Variants in OSMR observed in about 807,000 individuals in gnomAD.
OSMR encodes the protein oncostatin-M-specific receptor subunit beta.
In OSMR, 81 loss-of-function variants were observed where a neutral mutation model predicts 99.9. The ratio of observed to expected loss-of-function variants is 0.81; its 90% CI spans 0.68 to 0.97. The LOEUF (loss-of-function observed/expected upper bound fraction) is 0.97, where lower values mean the gene tolerates loss of function less well. Among genes scored for constraint, OSMR ranks in the 50% least tolerant of loss-of-function variants. The pLI is 0.00. For synonymous variants in OSMR, 406 were observed against 410.4 expected, an observed-to-expected ratio of 0.99 and a Z score of 0.13; for missense variants, 1,099 against 1,153.4, an observed-to-expected ratio of 0.95 and a Z score of 0.68.
intron 1 of OSMR, chr5:38,942,912 T>A (rs1474733918): frequency 6.2e-7 from 1 of 1,608,092 alleles, no homozygotes; most frequent in Non-Finnish European, 8.5e-7. Context: ...TGACAGCAAA[T>A]GGGAAACCTC....
At chr5:38,918,196 G>C (rs145767930) in intron 10 of OSMR, among the ~76,000 whole-genome samples, 229 of 151,698 alleles carry the variant, frequency 1.5e-3, no homozygotes, top group Non-Finnish European at 2.8e-3. Context: ...GTGCACAGAC[G>C]TGTGGGCATG....
chr5:38,862,920 G>C (rs554658667), intron 1 of OSMR, among the ~76,000 whole-genome samples: 51 of 152,124 alleles, frequency 3.4e-4, no homozygotes, highest in African/African-American at 1.2e-3. Context: ...CCAGCACCTC[G>C]GGAGGCCGAG....
chr5:38,937,452 T>A (rs1747104694), downstream of OSMR, among the ~76,000 whole-genome samples: 1 of 152,230 alleles, frequency 6.6e-6, no homozygotes, highest in South Asian at 2.1e-4. The surrounding 1 kb of genome is among the most constrained non-coding windows in gnomAD (Gnocchi z 4.0). Flanking sequence ...TTTTACCATA[T>A]TTTATTAACA....
chr5:38,884,246 G>A, intron 5 of OSMR, 135 bp downstream of exon 5: 2 of 800,594 alleles, frequency 2.5e-6, no homozygotes, highest in Non-Finnish European at 4.4e-6. Context: ...TTCTAGGAGA[G>A]GCTCTGAAGT....
At chr5:38,855,432 G>A (rs1051830999) in intron 1 of OSMR, among the ~76,000 whole-genome samples, 1 of 152,042 alleles carries the variant, frequency 6.6e-6, no homozygotes, top group African/African-American at 2.4e-5. Flanking sequence ...CTTAACATGT[G>A]GCAAATTGAA....
Position 38,932,395 on chromosome 5 carries a change from C to T in OSMR, c.2295-68C>T, listed in dbSNP as rs563459772. ...GGATTAGAAGCCAGGAATCTGACTC[C>T]AGAGTTCTTGCTCTTAACTCGTCCA... On this transcript the variant is annotated intron_variant, in intron 16 of 17. Transcript: ENST00000274276. The T allele has an allele frequency of 5.3e-5, 60 of 1,123,386 alleles. No individual in the cohort carries two copies. The African/African-American group carries it at 6.4e-4, about 12-fold the overall frequency. 69.6% of individuals were successfully genotyped at this position (1,123,386 alleles called of 1,614,324 possible).
chr5:38,888,240 T>C (rs1271489438), intron 7 of OSMR, among the ~76,000 whole-genome samples: 1 of 152,174 alleles, frequency 6.6e-6, no homozygotes, highest in Admixed American at 6.5e-5. Flanking sequence ...CCTCCCGCCC[T>C]AGCCTTTTAA....
rs745361562 is a variant in OSMR at position 38,923,213 on chromosome 5, C to T, written c.1829C>T (p.Ala610Val). The stretch of plus-strand genomic sequence containing the variant: ...TATGGGTTATCTACAAAAAGGATTG[C>T]TTGTTTATTAGAGAAAAAAACAGGA... ...RIYGLSTKRI[A>V]CLLEKKTGYS... Residue 610 changes from alanine to valine, a missense_variant, in exon 13 of 18, where the codon GCT (alanine) becomes GTT (valine). By Grantham distance (64) the Ala-to-Val change is moderately conservative. Transcript: ENST00000274276. The T allele has an allele frequency of 3.1e-6, 5 of 1,612,092 alleles. No individual in the cohort carries two copies. The highest frequency in any genetic ancestry group is 4.2e-6 in the Non-Finnish European group (5 of 1,178,350).
rs774881301 is a variant in OSMR, at chr5:38,942,367, T to C, written c.75-1834T>C. 50 of 1,591,554 alleles carry C rather than the reference T, an allele frequency of 3.1e-5. No individual in the cohort carries two copies. The Admixed American group carries it at 5.3e-4, about 17-fold the overall frequency. On this transcript the variant is annotated intron_variant and NMD_transcript_variant, in intron 1 of 2. Transcript: ENST00000508882. ...GTGGTGTTGCCAACACAGCCTCTGCTTCTTCATGCATCTAGGGAAAAAATG... is the reference window on the plus strand; with the variant it reads ...GTGGTGTTGCCAACACAGCCTCTGCCTCTTCATGCATCTAGGGAAAAAATG...
chr5:38,932,088 G>A, intron 16 of OSMR, 124 bp downstream of exon 16: 1 of 813,052 alleles, frequency 1.2e-6, no homozygotes, highest in Admixed American at 2.1e-5. Context: ...AAGAACAAAG[G>A]AGGCTGGGGT....
At chr5:38,851,349 G>C (rs1740340253) in intron 1 of OSMR, among the ~76,000 whole-genome samples, 1 of 152,030 alleles carries the variant, frequency 6.6e-6, no homozygotes, top group Non-Finnish European at 1.5e-5. Flanking sequence ...TTTGGGGCTG[G>C]TTTGGATCCC....
At chr5:38,943,465 T>TA (rs1747821844) in intron 1 of OSMR, among the ~76,000 whole-genome samples, 1 of 152,072 alleles carries the variant, frequency 6.6e-6, no homozygotes, top group South Asian at 2.1e-4. Flanking sequence ...AGAGGTCTGC[T>TA]GTGGGACCCT....
chr5:38,922,015 C>A (rs1048239446), intron 12 of OSMR, among the ~76,000 whole-genome samples: 1 of 152,180 alleles, frequency 6.6e-6, no homozygotes, highest in Admixed American at 6.5e-5. Flanking sequence ...GAGGTGGGAA[C>A]TGATTTTCAT....
chr5:38,880,815 G>A (rs184863450), intron 3 of OSMR, among the ~76,000 whole-genome samples: 4,362 of 152,314 alleles, frequency 0.029, 224 homozygotes, highest in African/African-American at 0.1. Flanking sequence ...GTGTAAACGG[G>A]CCTTTGAAGC....
In OSMR at chr5:38,918,915, A is replaced by C. The variant is rs981776179; in HGVS notation, c.1438A>C (p.Ser480Arg). The C allele has an allele frequency of 1.7e-5, 27 of 1,614,068 alleles. No individual in the cohort carries two copies. The highest frequency in any genetic ancestry group is 2.2e-5 in the Non-Finnish European group (26 of 1,179,914). Reference sequence around the variant, plus strand: ...TGTAGAAAACCTAGACAAACCATCCAGTTCAGAGCTCCATTCCATTCCAGC... The same window carrying C: ...TGTAGAAAACCTAGACAAACCATCCCGTTCAGAGCTCCATTCCATTCCAGC... ...VVVENLDKPS[S>R]SELHSIPAPA... The change falls in exon 11 of 18, where the codon AGT (serine) becomes CGT (arginine). Residue 480 changes from serine to arginine, a missense_variant. Coordinates refer to ENST00000274276, the MANE Select transcript of OSMR (RefSeq NM_003999.3).
chr5:38,864,435 T>TGG (rs748792121), intron 1 of OSMR, among the ~76,000 whole-genome samples: 19 of 152,202 alleles, frequency 1.2e-4, no homozygotes, highest in Non-Finnish European at 2.4e-4. Flanking sequence ...CTTGTAGGGC[T>TGG]GGTGTAGAGG....
intron 14 of OSMR, 92 bp from the exon 15 acceptor site, chr5:38,925,112 G>T (rs1746413307): frequency 1.9e-6 from 3 of 1,572,266 alleles, no homozygotes; most frequent in African/African-American, 2.7e-5. Context: ...GTTAACAAGA[G>T]CATTAGTGTC....
At chr5:38,861,724 AG>A (rs1472857374) in intron 1 of OSMR, among the ~76,000 whole-genome samples, 2 of 145,564 alleles carry the variant, frequency 1.4e-5, no homozygotes, top group East Asian at 4.4e-4. Flanking sequence ...CCTCGCGGAC[AG>A]GGGGGCTGGC....
intron 1 of OSMR, among the ~76,000 whole-genome samples, chr5:38,861,928 C>A (rs1489170931): frequency 8.2e-6 from 1 of 121,312 alleles, no homozygotes; most frequent in African/African-American, 3.1e-5. Context: ...GGGGGCTGAC[C>A]CCCCCACCTC....
Sources: gnomAD v4.1 joint callset for allele counts (sites outside exome capture counted in the v4.1 genomes callset) on GRCh38, gnomAD v4.1.1 for gene constraint, Gnocchi (gnomAD v3.1) non-coding constraint, MANE v1.5 for transcripts, NCBI Gene and HGNC (gene_info 2026-07-23, HGNC 2026-07-21) for gene names.